Variants in RHOJ observed in about 807,000 individuals in gnomAD.
RHOJ encodes ras homolog family member J.
In RHOJ, 11 loss-of-function variants were observed where a neutral mutation model predicts 23.4. That is an observed-to-expected ratio of 0.47 (90% CI 0.30 to 0.78). The LOEUF is 0.78. Ranked by LOEUF, RHOJ falls within the 30% of genes least tolerant of loss-of-function variation. The probability of loss-of-function intolerance (pLI) is 0.08; values close to 1 mark genes in which losing one functional copy is unlikely to be tolerated. For missense variants in RHOJ, 254 were observed against 273.4 expected (o/e 0.93, Z 0.50); for synonymous variants, 102 against 102.7 (o/e 0.99, Z 0.04).
At chr14:63,212,283 C>G (rs138896522) in intron 1 of RHOJ, among the ~76,000 whole-genome samples, 7 of 152,238 alleles carry the variant, frequency 4.6e-5, no homozygotes, top group Admixed American at 1.3e-4. Flanking sequence ...GGAAAGCCCC[C>G]CTCTGTGCCC....
intron 4 of RHOJ, 61 bp downstream of exon 4, chr14:63,283,277 T>G (rs1188287934): frequency 7.3e-7 from 1 of 1,378,418 alleles, no homozygotes; most frequent in Admixed American, 1.7e-5. Context: ...GTTGTATGCT[T>G]TGGAAATGGG....
chr14:63,212,590 A>G (rs1219969023), intron 1 of RHOJ, among the ~76,000 whole-genome samples: 1 of 152,202 alleles, frequency 6.6e-6, no homozygotes, highest in Non-Finnish European at 1.5e-5. Flanking sequence ...CAGGAATGGG[A>G]TAATCAAAAC....
At chr14:63,273,751 C>G (rs1411148245) in intron 2 of RHOJ, among the ~76,000 whole-genome samples, 1 of 152,216 alleles carries the variant, frequency 6.6e-6, no homozygotes, top group Non-Finnish European at 1.5e-5. Context: ...GGGCAAGACT[C>G]TAGGATGGGC....
chr14:63,284,124 C>A, intron 4 of RHOJ: 1 of 664,108 alleles, frequency 1.5e-6, no homozygotes, highest in Non-Finnish European at 1.9e-6. Context: ...AGAAGTCACT[C>A]TCTTCAAGCC....
intron 4 of RHOJ, among the ~76,000 whole-genome samples, chr14:63,284,737 A>C (rs1167863778): frequency 6.6e-6 from 1 of 152,194 alleles, no homozygotes; most frequent in African/African-American, 2.4e-5. Flanking sequence ...CACAGCCAGG[A>C]TGTCCCCATT....
At chr14:63,286,649 A>G (rs1032747864) in intron 4 of RHOJ, among the ~76,000 whole-genome samples, 2 of 152,270 alleles carry the variant, frequency 1.3e-5, no homozygotes, top group Non-Finnish European at 2.9e-5. Context: ...AAAGAAATTC[A>G]GAAGGTCGAG....
At chr14:63,243,091 A>G (rs530410511) in intron 1 of RHOJ, among the ~76,000 whole-genome samples, 6 of 152,374 alleles carry the variant, frequency 3.9e-5, no homozygotes, top group Non-Finnish European at 8.8e-5. Flanking sequence ...AATTGAAATA[A>G]AAAACAAATT....
intron 2 of RHOJ, among the ~76,000 whole-genome samples, chr14:63,278,747 G>C (rs1025666756): frequency 1.3e-5 from 2 of 152,114 alleles, no homozygotes; most frequent in Admixed American, 1.3e-4. Context: ...CTTTGGCGGG[G>C]GCTGAGGCAG....
chr14:63,239,031 C>A (rs559193972), intron 1 of RHOJ, among the ~76,000 whole-genome samples: 1 of 152,170 alleles, frequency 6.6e-6, no homozygotes, highest in Non-Finnish European at 1.5e-5. Flanking sequence ...ACTTAGCATG[C>A]GGTCTCTCCA....
chr14:63,224,920 C>CA (rs929276146), intron 1 of RHOJ, among the ~76,000 whole-genome samples: 9 of 151,518 alleles, frequency 5.9e-5, no homozygotes, highest in African/African-American at 2.2e-4. Flanking sequence ...CAGATGTATC[C>CA]AACTATCACT....
intron 1 of RHOJ, among the ~76,000 whole-genome samples, chr14:63,234,727 T>C (rs528243093): frequency 2.2e-4 from 33 of 152,316 alleles, no homozygotes; most frequent in African/African-American, 7.9e-4. Context: ...ACTTTTCACA[T>C]ATATTTTTTC....
chr14:63,254,159 G>C (rs1022660313), intron 1 of RHOJ, among the ~76,000 whole-genome samples: 2 of 152,138 alleles, frequency 1.3e-5, no homozygotes, highest in Non-Finnish European at 2.9e-5. Flanking sequence ...TCAGTGCTGG[G>C]AACTGGCCAA....
chr14:63,272,108 C>G (rs867833906), intron 2 of RHOJ, among the ~76,000 whole-genome samples: 1 of 126,646 alleles, frequency 7.9e-6, no homozygotes, highest in Non-Finnish European at 1.5e-5. Flanking sequence ...TTTTGAGAAG[C>G]ACTACCTAAA....
At chr14:63,266,571 GT>G (rs1471456120) in intron 1 of RHOJ, among the ~76,000 whole-genome samples, 2 of 152,126 alleles carry the variant, frequency 1.3e-5, no homozygotes, top group Non-Finnish European at 2.9e-5. Context: ...AGCATGGAAT[GT>G]TTTTCCATTT....
At chr14:63,279,984 A>G (rs1359951423) in intron 2 of RHOJ, among the ~76,000 whole-genome samples, 3 of 152,148 alleles carry the variant, frequency 2.0e-5, no homozygotes, top group African/African-American at 7.2e-5. Context: ...ATCTTTACTG[A>G]ATGTTACACT....
At chr14:63,235,267 A>G (rs1022996322) in intron 1 of RHOJ, among the ~76,000 whole-genome samples, 2 of 152,136 alleles carry the variant, frequency 1.3e-5, no homozygotes, top group African/African-American at 4.8e-5. Flanking sequence ...ACAGCTATAG[A>G]TTAAATGCTC....
intron 1 of RHOJ, among the ~76,000 whole-genome samples, chr14:63,241,226 T>C (rs1294534828): frequency 1.3e-5 from 2 of 151,904 alleles, no homozygotes; most frequent in Non-Finnish European, 2.9e-5. Context: ...AAGCAGGGAG[T>C]CAAAAATTCA....
chr14:63,265,151 T>C (rs1299416767), intron 1 of RHOJ, among the ~76,000 whole-genome samples: 2 of 152,244 alleles, frequency 1.3e-5, no homozygotes, highest in Non-Finnish European at 2.9e-5. Context: ...AGAATTCTGA[T>C]AGTTTGAGGT....
intron 2 of RHOJ, 64 bp from the exon 3 acceptor site, chr14:63,280,907 C>A: frequency 6.8e-7 from 1 of 1,479,108 alleles, no homozygotes; most frequent in Non-Finnish European, 9.1e-7. Context: ...TGAAATCTGA[C>A]CTTGGAACTA....
Sources: gnomAD v4.1 joint callset for allele counts (sites outside exome capture counted in the v4.1 genomes callset) on GRCh38, gnomAD v4.1.1 for gene constraint, MANE v1.5 for transcripts, NCBI Gene and HGNC (gene_info 2026-07-23, HGNC 2026-07-21) for gene names.